KANSL1: variants seen among roughly 807,000 people sequenced by gnomAD.
The protein encoded by KANSL1 is MLL1/MLL complex subunit KANSL1.
A neutral mutation model predicts 103.6 loss-of-function variants in KANSL1; 22 were observed. That is an observed-to-expected ratio of 0.21 (90% CI 0.15 to 0.30). The LOEUF is 0.30. Among genes scored for constraint, KANSL1 ranks in the 10% least tolerant of loss-of-function variants. The pLI, the probability that KANSL1 is intolerant of heterozygous loss-of-function variation, is 1.00. For synonymous variants in KANSL1, 600 were observed against 527.6 expected, an observed-to-expected ratio of 1.14 and a Z score of -1.88; for missense variants, 1,337 against 1,399.8, an observed-to-expected ratio of 0.96 and a Z score of 0.72.
At chr17:46,110,943 A>T (rs2042776053) in intron 2 of KANSL1, among the ~76,000 whole-genome samples, 1 of 152,250 alleles carries the variant, frequency 6.6e-6, no homozygotes, top group Admixed American at 6.5e-5. Flanking sequence ...GTCACTAGGT[A>T]TCAGGCACTC....
chr17:46,112,027 T>G (rs571518119), intron 2 of KANSL1, among the ~76,000 whole-genome samples: 1 of 152,148 alleles, frequency 6.6e-6, no homozygotes, highest in Admixed American at 6.6e-5. Flanking sequence ...CAAAGGAGAA[T>G]GGCTGAGTAT....
intron 2 of KANSL1, among the ~76,000 whole-genome samples, chr17:46,142,338 G>A (rs1196209376): frequency 2.0e-5 from 3 of 152,230 alleles, no homozygotes; most frequent in Non-Finnish European, 4.4e-5. Context: ...ACAACAGCCT[G>A]GCACAGTGGC....
chr17:46,125,057 AGGAG>A (rs1205898885), intron 2 of KANSL1, among the ~76,000 whole-genome samples: 2 of 40,596 alleles, frequency 4.9e-5, no homozygotes, highest in Non-Finnish European at 9.1e-5. Flanking sequence ...GGAGGGAGGG[AGGAG>A]GGAGGGAGGA....
chr17:46,189,030 T>TC (rs2047169933), intron 1 of KANSL1, among the ~76,000 whole-genome samples: 1 of 17,278 alleles, frequency 5.8e-5, no homozygotes, highest in Non-Finnish European at 9.4e-5. Flanking sequence ...AAAGATTGTC[T>TC]CAAAAAAAAA....
At chr17:46,183,132 A>G (rs1048094690) in intron 1 of KANSL1, among the ~76,000 whole-genome samples, 6 of 152,238 alleles carry the variant, frequency 3.9e-5, no homozygotes, top group Non-Finnish European at 8.8e-5. Flanking sequence ...GCTGAAACCT[A>G]AAGAATGAGT....
chr17:46,062,110 C>CA (rs1568403365), intron 6 of KANSL1, among the ~76,000 whole-genome samples: 81 of 22,232 alleles, frequency 3.6e-3, no homozygotes, highest in South Asian at 0.012. Context: ...AAAAAAAAAA[C>CA]AAACAAACAA....
intron 2 of KANSL1, among the ~76,000 whole-genome samples, chr17:46,167,867 C>A (rs1383208277): frequency 6.6e-6 from 1 of 152,184 alleles, no homozygotes; most frequent in Admixed American, 6.5e-5. Flanking sequence ...AAGAAAAAAA[C>A]AATTGAATTC....
At chr17:46,060,886 C>T (rs1486351376) in intron 6 of KANSL1, among the ~76,000 whole-genome samples, 1 of 152,168 alleles carries the variant, frequency 6.6e-6, no homozygotes, top group Non-Finnish European at 1.5e-5. Flanking sequence ...ACTCGGAATT[C>T]TATGGAAGCC....
In KANSL1 at chr17:46,033,183, G is replaced by C; in HGVS notation, c.2734C>G (p.Leu912Val). The C allele has an allele frequency of 6.3e-7, 1 of 1,599,366 alleles. No homozygotes were observed. Among genetic ancestry groups the C allele is most frequent in the Middle Eastern group, 1.7e-4 (1 of 6,044 alleles). Residue 912 changes from leucine (L) to valine (V), a missense_variant, in exon 13 of 15, where the codon CTA (leucine) becomes GTA (valine). Leu to Val is a conservative substitution (Grantham distance 32). Coordinates refer to ENST00000432791, the MANE Select transcript of KANSL1 (RefSeq NM_015443.4). ...AGGGCGGCGAAGGCTGCGTCGGATAGGTCCTCAATCTGCAATAGAGCAGCT... is the reference window on the plus strand; with the variant it reads ...AGGGCGGCGAAGGCTGCGTCGGATACGTCCTCAATCTGCAATAGAGCAGCT... ...PDEENEEIED[L>V]SDAAFAALHA...
chr17:46,225,167 C>T (rs1448055864), upstream of KANSL1, among the ~76,000 whole-genome samples: 2 of 151,960 alleles, frequency 1.3e-5, no homozygotes, highest in African/African-American at 4.8e-5. Context: ...CTTCCAGGGC[C>T]CTCGGCGGCG....
chr17:46,150,939 A>C (rs1371478549), intron 2 of KANSL1, among the ~76,000 whole-genome samples: 3 of 152,270 alleles, frequency 2.0e-5, no homozygotes, highest in South Asian at 4.1e-4. Context: ...AAAAAAAAAA[A>C]AAAAAACACG....
chr17:46,199,065 T>TAGAA (rs56064238), intron 1 of KANSL1, among the ~76,000 whole-genome samples: 21,951 of 152,238 alleles, frequency 0.14, 2,134 homozygotes, highest in Middle Eastern at 0.22. Context: ...AAATATTAAA[T>TAGAA]AGCCAGAGTC....
intron 2 of KANSL1, among the ~76,000 whole-genome samples, chr17:46,147,617 CAGAG>C (rs563272354): frequency 3.8e-4 from 55 of 145,364 alleles, no homozygotes; most frequent in African/African-American, 1.2e-3. Context: ...GAGAAAGAGG[CAGAG>C]AGAGAGAGAA....
intron 2 of KANSL1, among the ~76,000 whole-genome samples, chr17:46,167,894 T>C (rs920169106): frequency 2.6e-5 from 4 of 152,352 alleles, no homozygotes; most frequent in East Asian, 3.9e-4. Context: ...AAGAAAGGGA[T>C]TATAATTTCC....
At chr17:46,177,777 ATTC>A (rs1567772260) in intron 1 of KANSL1, among the ~76,000 whole-genome samples, 15 of 150,858 alleles carry the variant, frequency 9.9e-5, no homozygotes. Context: ...TCACAGTAAC[ATTC>A]TTTTTTTTTT....
Position 46,056,977 on chromosome 17 carries a change from T to A in KANSL1, c.1849-6273A>T, listed in dbSNP as rs140272784. On this transcript the variant is annotated intron_variant, in intron 6 of 14. Transcript: ENST00000432791. ...TACAGATATTGCCAAATGTCTCCTG[T>A]GAGGACAAAATCACTGAGAACCATG... 4.6e-5 allele frequency among the ~76,000 whole-genome samples: 7 copies of A among 152,310 alleles called. No homozygotes were observed. In the East Asian group the frequency reaches 1.3e-3, roughly 29 times the overall value.
intron 2 of KANSL1, among the ~76,000 whole-genome samples, chr17:46,133,752 C>G (rs1257765816): frequency 2.0e-5 from 3 of 152,168 alleles, no homozygotes; most frequent in Non-Finnish European, 4.4e-5. Flanking sequence ...GGGCGCGACT[C>G]ATGAAGGAGT....
intron 2 of KANSL1, among the ~76,000 whole-genome samples, chr17:46,123,463 A>C (rs1217496733): frequency 6.6e-6 from 1 of 152,254 alleles, no homozygotes; most frequent in Non-Finnish European, 1.5e-5. Context: ...ATAGGCTGAA[A>C]GTAAGGCCTC....
chr17:46,165,883 C>T (rs2045970505), intron 2 of KANSL1, among the ~76,000 whole-genome samples: 1 of 152,162 alleles, frequency 6.6e-6, no homozygotes, highest in African/African-American at 2.4e-5. Context: ...ATTCATTTTA[C>T]CATGAGGTCT....
Sources: allele counts gnomAD v4.1 joint callset (sites outside exome capture counted in the v4.1 genomes callset), GRCh38; gene constraint gnomAD v4.1.1; transcripts MANE v1.5; gene names NCBI Gene and HGNC (gene_info 2026-07-23, HGNC 2026-07-21).